LRP2: variants seen among roughly 807,000 people sequenced by gnomAD.
The protein encoded by LRP2 is low-density lipoprotein receptor-related protein 2.
A neutral mutation model predicts 531.0 loss-of-function variants in LRP2; 172 were observed. The observed-to-expected ratio is 0.32, with a 90% CI of 0.29 to 0.37. LRP2 has a LOEUF of 0.37. Ranked by LOEUF, LRP2 falls within the 10% of genes least tolerant of loss-of-function variation. LRP2 has a pLI of 1.00. For synonymous variants in LRP2, 1,992 were observed against 2,027.6 expected (o/e 0.98, Z 0.47); for missense variants, 5,167 against 5,868.3 (o/e 0.88, Z 3.90).
chr2:169,160,897 C>T (rs1017929403), intron 63 of LRP2, among the ~76,000 whole-genome samples: 2 of 152,152 alleles, frequency 1.3e-5, no homozygotes, highest in African/African-American at 4.8e-5. Context: ...AAATAAATGG[C>T]AAGCCAACTC....
rs552896552 is a variant in LRP2, at chr2:169,293,474, G to A, written c.652+674C>T. ...GCGGATCACTTGAGATCAGGAGTTC[G>A]AGACCAGCCTGGCCAACACGGTGAA... On this transcript the variant is annotated intron_variant, in intron 6 of 78. Transcript: ENST00000649046. Among the ~76,000 whole-genome samples the A allele has an allele frequency of 5.9e-5, 9 of 152,094 alleles. No individual in the cohort carries two copies. The South Asian group carries it at 1.2e-3, about 21-fold the overall frequency.
chr2:169,298,024 A>T (rs890146960), intron 4 of LRP2, among the ~76,000 whole-genome samples: 11 of 151,982 alleles, frequency 7.2e-5, no homozygotes. Context: ...TCCAGCCCAG[A>T]CACCTGGGAC....
In LRP2 at chr2:169,318,829, G is replaced by A; in HGVS notation, c.243C>T (p.Ile81=). ...YFKCQSEGQC[I]PNSWVCDQDQ... The stretch of plus-strand genomic sequence containing the variant: ...CTTGGTCACACACCCAGGAGTTGGG[G>A]ATGCATTGTCCCTCACTCTGGCACT... Residue 81 remains isoleucine (I), a synonymous_variant, in exon 3 of 79, where the codon ATC becomes ATT. Transcript: ENST00000649046. 2 of 1,614,130 alleles carry A rather than the reference G, an allele frequency of 1.2e-6. No individual in the cohort carries two copies. Among genetic ancestry groups the A allele is most frequent in the Non-Finnish European group, 1.7e-6 (2 of 1,180,008 alleles).
chr2:169,302,625 C>A (rs145055775), intron 4 of LRP2, among the ~76,000 whole-genome samples: 133 of 152,232 alleles, frequency 8.7e-4, no homozygotes, highest in Non-Finnish European at 1.5e-3. Context: ...AGAAACCCTG[C>A]TCCAGGTCTA....
intron 77 of LRP2, among the ~76,000 whole-genome samples, chr2:169,131,674 T>C (rs1177581802): frequency 6.6e-6 from 1 of 152,180 alleles, no homozygotes; most frequent in African/African-American, 2.4e-5. Context: ...GAGACACTAC[T>C]GGAATTTAGT....
intron 69 of LRP2, 100 bp from the exon 70 acceptor site, chr2:169,146,023 A>T (rs1363435835): frequency 9.2e-6 from 10 of 1,083,520 alleles, no homozygotes; most frequent in Non-Finnish European, 1.4e-5. Flanking sequence ...TTCTGCTTGA[A>T]TTATTCCCTC....
intron 37 of LRP2, among the ~76,000 whole-genome samples, chr2:169,209,847 G>A (rs1331543816): frequency 1.3e-5 from 2 of 152,074 alleles, no homozygotes; most frequent in Non-Finnish European, 2.9e-5. Context: ...CTGGCTCCCG[G>A]GAGAAATGTT....
chr2:169,170,667 G>A lies in LRP2; in HGVS notation c.11264C>T (p.Ala3755Val). 2 of 1,610,292 alleles carry A rather than the reference G, an allele frequency of 1.2e-6. No homozygotes were observed. The highest frequency in any genetic ancestry group is 1.7e-6 in the Non-Finnish European group (2 of 1,176,514). The change falls in exon 59 of 79, where the codon GCT (alanine) becomes GTT (valine). Residue 3755 changes from alanine (A) to valine (V), a missense_variant and splice_region_variant. This residue lies in a region of LRP2 where 564 missense variants were observed against 747.7 expected (regional missense o/e 0.75). Transcript: ENST00000649046. ...CTCGCTCTCTGTGCACTCCCGGGGA[G>A]CTGGAAAGGAAAGGCACCTGGCCAT... ...CGDNSDEENCAPRECTESEFR... is the reference protein window; with the variant it reads ...CGDNSDEENCVPRECTESEFR...
chr2:169,282,659 G>C (rs577504978), intron 10 of LRP2, among the ~76,000 whole-genome samples: 30 of 152,254 alleles, frequency 2.0e-4, no homozygotes, highest in African/African-American at 7.2e-4. Context: ...TATTAATAAT[G>C]GTCACCATTA....
intron 52 of LRP2, among the ~76,000 whole-genome samples, chr2:169,178,887 T>C (rs911726685): frequency 1.3e-5 from 2 of 152,232 alleles, no homozygotes; most frequent in African/African-American, 2.4e-5. Context: ...CAAAATATAA[T>C]TTATGGTAAC....
At chr2:169,174,785 C>T (rs1687126456) in intron 55 of LRP2, among the ~76,000 whole-genome samples, 1 of 147,970 alleles carries the variant, frequency 6.8e-6, no homozygotes, top group Non-Finnish European at 1.5e-5. Context: ...GTTGGGATTA[C>T]AGGCATGAGC....
In LRP2 at chr2:169,178,984, G is replaced by GATTTATTT. The variant is rs3083236; in HGVS notation, c.10170-966_10170-959dup. On this transcript the variant is annotated intron_variant, in intron 52 of 78. Transcript: ENST00000649046. Reference sequence around the variant, plus strand: ...AATGACCAGAAATTAGTCACCATCTGATTTATTTATTTATTTATTTATTTA... The same window carrying GATTTATTT: ...AATGACCAGAAATTAGTCACCATCTGATTTATTTATTTATTTATTTATTTATTTATTTA... Among the ~76,000 whole-genome samples the GATTTATTT allele has an allele frequency of 5.4e-3, 789 of 146,084 alleles. 4 individuals carry two copies. The highest frequency in any genetic ancestry group is 0.014 in the Middle Eastern group (4 of 286).
At chr2:169,281,649 C>T (rs1574216816) in intron 10 of LRP2, among the ~76,000 whole-genome samples, 1 of 151,770 alleles carries the variant, frequency 6.6e-6, no homozygotes, top group African/African-American at 2.4e-5. Context: ...ACCCGGGAGG[C>T]GGAGGTTGCA....
rs139167787 is a variant in LRP2, at chr2:169,279,591, A to T, written c.1346T>A (p.Phe449Tyr). 558 of 1,609,182 alleles carry T rather than the reference A, an allele frequency of 3.5e-4. 3 individuals are homozygous for T. In the African/African-American group the frequency reaches 6.8e-3, roughly 20 times the overall value. Residue 449 changes from phenylalanine to tyrosine, a missense_variant, in exon 12 of 79, where the codon TTT (phenylalanine) becomes TAT (tyrosine). Physicochemically the swap from Phe to Tyr is conservative, Grantham distance 22. Transcript: ENST00000649046. ...FWTDTVQNKV[F>Y]SVDINGLNIQ... ...ATTTAAACCATTAATGTCAACTGAA[A>T]AAACCTGAAAGAAAAACCAAAATTA...
At chr2:169,302,624 G>A (rs1474581972) in intron 4 of LRP2, among the ~76,000 whole-genome samples, 1 of 152,124 alleles carries the variant, frequency 6.6e-6, no homozygotes, top group Non-Finnish European at 1.5e-5. Context: ...GAGAAACCCT[G>A]CTCCAGGTCT....
intron 1 of LRP2, among the ~76,000 whole-genome samples, chr2:169,344,326 G>A (rs1277204513): frequency 6.6e-6 from 1 of 150,508 alleles, no homozygotes; most frequent in African/African-American, 2.5e-5. Flanking sequence ...GTGTCCATGT[G>A]TTCTCATTGT....
In LRP2 at chr2:169,284,256, C is replaced by CTCTTTTTTT. The variant is rs1553508684; in HGVS notation, c.1043-1256_1043-1255insAAAAAAAGA. ...CTTTTCTTTTCTTTTTCTTTTTTTT[C>CTCTTTTTTT]TTTTTTTTTTTTTTTTTTTTTTTTT... On this transcript the variant is annotated intron_variant, in intron 9 of 78. Transcript: ENST00000649046. Among the ~76,000 whole-genome samples, 8 of 96,648 alleles carry CTCTTTTTTT rather than the reference C, an allele frequency of 8.3e-5. 1 individual carries two copies. Among genetic ancestry groups the CTCTTTTTTT allele is most frequent in the Admixed American group, 1.2e-4 (1 of 8,408 alleles). The allele number at this position is 96,648 out of a possible 152,430, so 63.4% of individuals were successfully genotyped here.
chr2:169,243,616 T>C (rs1158622236), intron 22 of LRP2, 94 bp from the exon 23 acceptor site: 24 of 1,462,716 alleles, frequency 1.6e-5, no homozygotes, highest in Non-Finnish European at 2.3e-5. Flanking sequence ...ACAGAAGTTA[T>C]CTCAATTGTA....
intron 29 of LRP2, among the ~76,000 whole-genome samples, 200 bp downstream of exon 29, chr2:169,235,640 G>T (rs1207317563): frequency 6.6e-6 from 1 of 152,222 alleles, no homozygotes; most frequent in African/African-American, 2.4e-5. Context: ...GGCACAAGCT[G>T]ACCATGAACT....
Sources: gnomAD v4.1 joint callset for allele counts (sites outside exome capture counted in the v4.1 genomes callset) on GRCh38, gnomAD v4.1.1 for gene constraint, gnomAD v4.1.1 regional missense constraint, MANE v1.5 for transcripts, NCBI Gene and HGNC (gene_info 2026-07-23, HGNC 2026-07-21) for gene names.